MAGI2: variants seen among roughly 807,000 people sequenced by gnomAD.
The protein encoded by MAGI2 is membrane associated guanylate kinase, WW and PDZ domain containing 2, also known as membrane-associated guanylate kinase, WW and PDZ domain-containing protein 2.
Under a neutral mutation model 133.3 loss-of-function variants are expected in MAGI2, and 35 were observed. That is an observed-to-expected ratio of 0.26 (90% CI 0.20 to 0.35). The LOEUF (loss-of-function observed/expected upper bound fraction) is 0.35. Ranked by LOEUF, MAGI2 falls within the 10% of genes least tolerant of loss-of-function variation. The probability of loss-of-function intolerance (pLI) is 1.00; values close to 1 mark genes in which losing one functional copy is unlikely to be tolerated. For synonymous variants in MAGI2, 729 were observed against 710.6 expected (o/e 1.03, Z -0.41); for missense variants, 1,636 against 1,863.4 (o/e 0.88, Z 2.25).
intron 21 of MAGI2, among the ~76,000 whole-genome samples, chr7:78,058,483 T>TTG (rs1459427532): frequency 6.6e-6 from 1 of 151,782 alleles, no homozygotes; most frequent in Non-Finnish European, 1.5e-5. Flanking sequence ...AATTCCTTTT[T>TTG]TTTTTTGAGA....
intron 6 of MAGI2, among the ~76,000 whole-genome samples, chr7:78,380,497 A>C (rs1794823167): frequency 6.6e-6 from 1 of 152,174 alleles, no homozygotes; most frequent in Admixed American, 6.5e-5. Flanking sequence ...CCAGGCACAG[A>C]AAGACAAATG....
chr7:78,388,469 C>T (rs1356653919), intron 6 of MAGI2, among the ~76,000 whole-genome samples: 3 of 152,094 alleles, frequency 2.0e-5, no homozygotes, highest in Admixed American at 2.0e-4. Context: ...CTGGAACTAC[C>T]TGAAATATGG....
chr7:78,189,869 C>T (rs941272410), intron 12 of MAGI2, among the ~76,000 whole-genome samples: 12 of 152,178 alleles, frequency 7.9e-5, no homozygotes, highest in African/African-American at 2.2e-4. Flanking sequence ...GCCCTCTATC[C>T]TGTATCAACA....
intron 9 of MAGI2, among the ~76,000 whole-genome samples, chr7:78,324,758 C>T (rs561475803): frequency 5.3e-5 from 8 of 152,132 alleles, no homozygotes; most frequent in Admixed American, 6.5e-5. Context: ...GTCAGGAGTT[C>T]GAGACCAGCC....
At chr7:79,186,208 A>T (rs1315371148) in intron 1 of MAGI2, among the ~76,000 whole-genome samples, 1 of 3,514 alleles carries the variant, frequency 2.8e-4, no homozygotes. Context: ...ATATATATAT[A>T]TATATATATA....
At chr7:79,322,659 G>C (rs904225809) in intron 1 of MAGI2, among the ~76,000 whole-genome samples, 1 of 151,716 alleles carries the variant, frequency 6.6e-6, no homozygotes, top group African/African-American at 2.4e-5. Flanking sequence ...AGTTGTGCAC[G>C]CCTGTAGTCC....
At chr7:78,195,090 ATGAC>A (rs1828598172) in intron 11 of MAGI2, 27 bp from the exon 12 acceptor site, 1 of 1,541,374 alleles carries the variant, frequency 6.5e-7, no homozygotes, top group Non-Finnish European at 8.8e-7. Flanking sequence ...GACAGAGAAA[ATGAC>A]TGACAAATTC....
At chr7:78,436,712 G>A (rs969247888) in intron 6 of MAGI2, among the ~76,000 whole-genome samples, 2 of 152,012 alleles carry the variant, frequency 1.3e-5, no homozygotes, top group Admixed American at 6.6e-5. Context: ...CTCCACTCAC[G>A]GACCCTCTCT....
intron 2 of MAGI2, among the ~76,000 whole-genome samples, chr7:78,944,137 A>T (rs1436589940): frequency 6.6e-6 from 1 of 152,180 alleles, no homozygotes; most frequent in Non-Finnish European, 1.5e-5. Flanking sequence ...CTTAGACAAT[A>T]TGGTAGGTTC....
chr7:78,735,949 T>C (rs922744612), intron 2 of MAGI2, among the ~76,000 whole-genome samples: 23 of 152,194 alleles, frequency 1.5e-4, no homozygotes, highest in African/African-American at 5.5e-4. Flanking sequence ...AATAGGTTCC[T>C]TATAAACATA....
chr7:78,668,358 A>T (rs1371847828), intron 2 of MAGI2, among the ~76,000 whole-genome samples: 1 of 150,720 alleles, frequency 6.6e-6, no homozygotes, highest in Non-Finnish European at 1.5e-5. Flanking sequence ...GTTCACTCTG[A>T]TGGTAGTTTC....
intron 1 of MAGI2, among the ~76,000 whole-genome samples, chr7:79,032,702 A>C (rs1404153882): frequency 1.3e-5 from 2 of 152,004 alleles, no homozygotes; most frequent in Non-Finnish European, 2.9e-5. Context: ...TTAAGCCTGC[A>C]GCAAAGGACA....
In MAGI2 at chr7:78,646,019, G is replaced by A. The variant is rs186069341; in HGVS notation, c.419-18780C>T. ...CTCCCAAAGTGCTGGGATTACAGGC[G>A]TGAGGCACTGCACCTGGCCCAGCAA... On this transcript the variant is annotated intron_variant, in intron 2 of 21. Transcript: ENST00000354212. Among the ~76,000 whole-genome samples, 16 of 152,258 alleles carry A rather than the reference G, an allele frequency of 1.1e-4. No homozygotes were observed. In the South Asian group the frequency reaches 2.5e-3, roughly 24 times the overall value.
chr7:79,132,755 CA>C (rs561729703), intron 1 of MAGI2, among the ~76,000 whole-genome samples: 55 of 152,198 alleles, frequency 3.6e-4, no homozygotes, highest in South Asian at 2.3e-3. Flanking sequence ...TACTAATTAA[CA>C]TTCCCAACCA....
intron 4 of MAGI2, among the ~76,000 whole-genome samples, chr7:78,506,779 G>A (rs1045954537): frequency 7.2e-5 from 11 of 152,172 alleles, no homozygotes; most frequent in African/African-American, 2.2e-4. Flanking sequence ...AAGCCAGATT[G>A]GAATAGGTTT....
intron 2 of MAGI2, among the ~76,000 whole-genome samples, chr7:78,924,655 T>C: frequency 6.6e-6 from 1 of 152,050 alleles, no homozygotes; most frequent in Middle Eastern, 3.2e-3. Flanking sequence ...TCTAAAACTC[T>C]CTTTTTTGGT....
chr7:78,306,160 G>A (rs1202382727), intron 9 of MAGI2, among the ~76,000 whole-genome samples: 1 of 152,172 alleles, frequency 6.6e-6, no homozygotes, highest in Non-Finnish European at 1.5e-5. Context: ...TCAAAGACTT[G>A]AAAGGCTTCT....
intron 1 of MAGI2, among the ~76,000 whole-genome samples, chr7:79,342,140 C>A (rs1840948349): frequency 6.6e-6 from 1 of 152,172 alleles, no homozygotes; most frequent in Admixed American, 6.5e-5. Flanking sequence ...ATTTTAAACT[C>A]ACTTTAAAAT....
intron 1 of MAGI2, among the ~76,000 whole-genome samples, chr7:79,127,135 C>A (rs1041656792): frequency 1.6e-4 from 24 of 152,108 alleles, no homozygotes; most frequent in East Asian, 7.7e-4. Context: ...TGAACTCATC[C>A]TTTTTTATGG....
Sources: allele counts gnomAD v4.1 joint callset (sites outside exome capture counted in the v4.1 genomes callset), GRCh38; gene constraint gnomAD v4.1.1; transcripts MANE v1.5; gene names NCBI Gene and HGNC (gene_info 2026-07-23, HGNC 2026-07-21).